Variants in ZNF469 observed in about 807,000 individuals in gnomAD.
ZNF469 encodes zinc finger protein 469.
A neutral mutation model predicts 1.0 loss-of-function variants in ZNF469; 1 was observed. That is an observed-to-expected ratio of 1.00 (90% CI 0.35 to 4.73). The LOEUF (loss-of-function observed/expected upper bound fraction) is 4.73, where lower values mean the gene tolerates loss of function less well. Among genes scored for constraint, ZNF469 ranks in the 30% most tolerant of loss-of-function variants. The pLI, the probability that ZNF469 is intolerant of heterozygous loss-of-function variation, is 0.16. For synonymous variants in ZNF469, 2,703 were observed against 2,363.4 expected (o/e 1.14, Z -4.17); for missense variants, 6,100 against 5,356.3 (o/e 1.14, Z -4.33).
rs1196161591 is a variant in ZNF469 at position 88,438,034 on chromosome 16, G to A, written c.10564G>A (p.Gly3522Arg). The change falls in exon 3 of 3, where the codon GGA (glycine) becomes AGA (arginine). Residue 3522 changes from glycine to arginine, a missense_variant. Transcript: ENST00000565624. ...CSEVAPSTTK[G>R]WPETLERPVD... is the part of the protein sequence containing the mutation. Reference sequence around the variant, plus strand: ...GGAGGTGGCTCCCAGCACCACCAAGGGATGGCCCGAGACCCTAGAGAGGCC... The same window carrying A: ...GGAGGTGGCTCCCAGCACCACCAAGAGATGGCCCGAGACCCTAGAGAGGCC... 4 of 1,550,058 alleles carry A rather than the reference G, an allele frequency of 2.6e-6. No homozygotes were observed. The African/African-American group carries it at 4.1e-5, about 16-fold the overall frequency.
At chr16:88,213,722 C>T in the ZNF469 span, among the ~76,000 whole-genome samples, 8 of 152,158 alleles carry the variant, frequency 5.3e-5, no homozygotes, top group Admixed American at 6.5e-5. Context: ...AGAGCTTTTC[C>T]GGGAGTCAGG....
chr16:88,272,108 T>C, the ZNF469 span, among the ~76,000 whole-genome samples: 2 of 150,236 alleles, frequency 1.3e-5, no homozygotes, highest in East Asian at 2.0e-4. Context: ...GATGAGTGGG[T>C]AGATGGATGA....
At chr16:88,282,264 A>T in the ZNF469 span, among the ~76,000 whole-genome samples, 2 of 152,142 alleles carry the variant, frequency 1.3e-5, no homozygotes, top group Non-Finnish European at 2.9e-5. Context: ...CACCTTGTGG[A>T]TGGTGGTCGG....
chr16:88,172,520 C>T, the ZNF469 span, among the ~76,000 whole-genome samples: 13 of 152,248 alleles, frequency 8.5e-5, no homozygotes, highest in African/African-American at 2.2e-4. Flanking sequence ...TAAAGTCCAA[C>T]GCTATTCAAA....
At chr16:88,281,278 C>T in the ZNF469 span, among the ~76,000 whole-genome samples, 7 of 137,590 alleles carry the variant, frequency 5.1e-5, no homozygotes, top group African/African-American at 1.3e-4. Context: ...CATTTTGGTG[C>T]GTGGGTTAAT....
At chr16:88,229,028 C>T in the ZNF469 span, among the ~76,000 whole-genome samples, 7,973 of 152,234 alleles carry the variant, frequency 0.052, 241 homozygotes, top group Middle Eastern at 0.071. Context: ...CTGCAGTCCA[C>T]GGTCAACAAA....
At chr16:88,289,230 G>A in the ZNF469 span, among the ~76,000 whole-genome samples, 2 of 150,082 alleles carry the variant, frequency 1.3e-5, no homozygotes, top group African/African-American at 2.5e-5. Context: ...TGAGGGTGAT[G>A]ATGATGATGA....
At chr16:88,402,483 G>T (rs1436818889) in intron 1 of ZNF469, among the ~76,000 whole-genome samples, 1 of 152,096 alleles carries the variant, frequency 6.6e-6, no homozygotes, top group African/African-American at 2.4e-5. Context: ...TTGGGGAGAG[G>T]ATGCTACCTG....
At chr16:88,198,529 TG>T in the ZNF469 span, among the ~76,000 whole-genome samples, 1 of 152,248 alleles carries the variant, frequency 6.6e-6, no homozygotes, top group Non-Finnish European at 1.5e-5. Context: ...GCTAAGGAGC[TG>T]AATTTTAAAT....
the ZNF469 span, among the ~76,000 whole-genome samples, chr16:88,249,687 C>T: frequency 2.6e-5 from 4 of 151,386 alleles, no homozygotes; most frequent in Non-Finnish European, 4.4e-5. Context: ...CCGCCCACCT[C>T]GGCCTCCCAA....
chr16:88,124,971 C>G, the ZNF469 span, among the ~76,000 whole-genome samples: 1 of 152,226 alleles, frequency 6.6e-6, no homozygotes, highest in African/African-American at 2.4e-5. Context: ...ATCTCAGGGT[C>G]ATGAATAATT....
intron 1 of ZNF469, among the ~76,000 whole-genome samples, chr16:88,392,037 T>TA (rs879369112): frequency 9.9e-5 from 15 of 152,260 alleles, no homozygotes; most frequent in African/African-American, 3.1e-4. Flanking sequence ...TACAATATCT[T>TA]ATGCAGGCTA....
At chr16:88,143,851 T>C in the ZNF469 span, among the ~76,000 whole-genome samples, 1 of 152,190 alleles carries the variant, frequency 6.6e-6, no homozygotes, top group Non-Finnish European at 1.5e-5. Context: ...TTCACTTGTC[T>C]GCCTGGCTGG....
the ZNF469 span, among the ~76,000 whole-genome samples, chr16:88,293,502 G>A: frequency 6.6e-6 from 1 of 152,154 alleles, no homozygotes; most frequent in Admixed American, 6.5e-5. Flanking sequence ...GTGAATGGAT[G>A]GGTAGGTAGA....
chr16:88,329,487 T>C, the ZNF469 span, among the ~76,000 whole-genome samples: 1 of 152,168 alleles, frequency 6.6e-6, no homozygotes, highest in African/African-American at 2.4e-5. Flanking sequence ...GCTGGCCCTC[T>C]GAGGGCCTGA....
the ZNF469 span, among the ~76,000 whole-genome samples, chr16:88,370,009 C>T: frequency 2.8e-4 from 42 of 152,328 alleles, no homozygotes; most frequent in East Asian, 7.9e-3. Context: ...CTGTTCTTTA[C>T]ACAAAGTTTG....
At chr16:88,371,373 A>C in the ZNF469 span, among the ~76,000 whole-genome samples, 16 of 152,258 alleles carry the variant, frequency 1.1e-4, no homozygotes, top group South Asian at 2.1e-4. Flanking sequence ...TCAAGTTCTC[A>C]CATTTACATA....
At chr16:88,143,787 C>T in the ZNF469 span, among the ~76,000 whole-genome samples, 3 of 152,246 alleles carry the variant, frequency 2.0e-5, no homozygotes, top group Admixed American at 6.5e-5. Flanking sequence ...GTCCTCTGAT[C>T]GGCCCCTGCC....
chr16:88,255,072 C>T, the ZNF469 span, among the ~76,000 whole-genome samples: 63,627 of 151,966 alleles, frequency 0.42, 13,919 homozygotes, highest in East Asian at 0.64. Flanking sequence ...TAGACATGTA[C>T]GATATGGGCT....
Sources: gnomAD v4.1 joint callset for allele counts (sites outside exome capture counted in the v4.1 genomes callset) on GRCh38, gnomAD v4.1.1 for gene constraint, MANE v1.5 for transcripts, NCBI Gene and HGNC (gene_info 2026-07-23, HGNC 2026-07-21) for gene names.